The following EFCAB13 variants were observed in gnomAD, a reference collection of about 807,000 sequenced individuals.
The protein encoded by EFCAB13 is EF-hand calcium binding domain 13, also known as EF-hand calcium-binding domain-containing protein 13.
A neutral mutation model predicts 110.2 loss-of-function variants in EFCAB13; 91 were observed. The observed-to-expected ratio is 0.83, with a 90% CI of 0.70 to 0.98. The LOEUF (loss-of-function observed/expected upper bound fraction) is 0.98, where lower values mean the gene tolerates loss of function less well. EFCAB13 is among the 50% of genes least tolerant of loss of function. The probability of loss-of-function intolerance (pLI) is 0.00; values close to 1 mark genes in which losing one functional copy is unlikely to be tolerated. For missense variants in EFCAB13, 968 were observed against 1,119.4 expected, an observed-to-expected ratio of 0.86 and a Z score of 1.93; for synonymous variants, 323 against 369.9, an observed-to-expected ratio of 0.87 and a Z score of 1.45.
intron 5 of EFCAB13, chr17:47,341,247 G>A (rs1224202295): frequency 6.6e-6 from 1 of 152,172 alleles, no homozygotes; most frequent in Non-Finnish European, 1.5e-5. Context: ...GGATTTTATT[G>A]AGTCCTGATG....
At chr17:47,392,938 G>C (rs1358644315) in intron 15 of EFCAB13, among the ~76,000 whole-genome samples, 1 of 152,202 alleles carries the variant, frequency 6.6e-6, no homozygotes, top group East Asian at 1.9e-4. Flanking sequence ...CAACAGTGAT[G>C]ATTATCGTAG....
At chr17:47,439,175 T>TG (rs1322666507) in intron 24 of EFCAB13, among the ~76,000 whole-genome samples, 65 of 124,822 alleles carry the variant, frequency 5.2e-4, no homozygotes, top group African/African-American at 1.5e-3. Context: ...TGTTTTGTTT[T>TG]TTTTTTTTTT....
chr17:47,399,519 C>T (rs2065767786), intron 17 of EFCAB13, among the ~76,000 whole-genome samples: 1 of 151,904 alleles, frequency 6.6e-6, no homozygotes, highest in South Asian at 2.1e-4. Flanking sequence ...TTGAGCTTCT[C>T]TGACCAAAGT....
chr17:47,364,570 C>T (rs2143328354), intron 10 of EFCAB13, among the ~76,000 whole-genome samples: 1 of 152,304 alleles, frequency 6.6e-6, no homozygotes, highest in Middle Eastern at 3.4e-3. Flanking sequence ...CTTGGCCTCC[C>T]AAAGTGCTGG....
intron 9 of EFCAB13, among the ~76,000 whole-genome samples, chr17:47,358,337 A>G (rs2143309061): frequency 6.6e-6 from 1 of 152,146 alleles, no homozygotes; most frequent in East Asian, 1.9e-4. Flanking sequence ...AAAAGGGAAA[A>G]ATGCAAATAT....
At position 47,412,823 on chromosome 17, in the gene EFCAB13, G is replaced by A. The variant is rs1449232193; in HGVS notation, c.2329G>A (p.Gly777Ser). 1 of 1,613,712 alleles carries A rather than the reference G, an allele frequency of 6.2e-7. No homozygotes were observed. Among genetic ancestry groups the A allele is most frequent in the South Asian group, 1.1e-5 (1 of 91,040 alleles). ...GTCACATGTCGATAATGGCAAGATT[G>A]GTATACCTGATTTGGAGCATGCCTT... ...ILSHVDNGKI[G>S]IPDLEHALKC... The change falls in exon 22 of 25, where the codon GGT becomes AGT. Residue 777 changes from glycine (G) to serine (S), a missense_variant. Gly to Ser is a moderately conservative substitution (Grantham distance 56). Transcript: ENST00000331493.
At chr17:47,394,156 T>C (rs899102053) in intron 16 of EFCAB13, 57 bp downstream of exon 16, 21 of 1,164,756 alleles carry the variant, frequency 1.8e-5, no homozygotes, top group Admixed American at 2.6e-5. Context: ...TGACAGATTT[T>C]AGAAGAGCGT....
At chr17:47,343,449 G>T (rs1291338071) in intron 6 of EFCAB13, among the ~76,000 whole-genome samples, 1 of 151,980 alleles carries the variant, frequency 6.6e-6, no homozygotes, top group Non-Finnish European at 1.5e-5. Flanking sequence ...TTTCACTGGG[G>T]AATAAGTTTT....
chr17:47,345,323 C>T (rs1253925372), intron 8 of EFCAB13, among the ~76,000 whole-genome samples: 1 of 152,022 alleles, frequency 6.6e-6, no homozygotes, highest in East Asian at 1.9e-4. Flanking sequence ...TAATATGTAG[C>T]TTATACTAGT....
intron 21 of EFCAB13, among the ~76,000 whole-genome samples, chr17:47,410,779 C>T (rs1178457531): frequency 6.6e-6 from 1 of 152,132 alleles, no homozygotes; most frequent in Non-Finnish European, 1.5e-5. Flanking sequence ...AAAGGGAAAA[C>T]AACATTAAGT....
chr17:47,398,408 G>A (rs1451545957), intron 17 of EFCAB13, among the ~76,000 whole-genome samples: 55 of 151,578 alleles, frequency 3.6e-4, no homozygotes, highest in African/African-American at 1.2e-3. Flanking sequence ...TGGCGGTTTT[G>A]TGGAATAGAA....
chr17:47,411,000 T>G (rs2065831588), intron 21 of EFCAB13, among the ~76,000 whole-genome samples: 2 of 152,214 alleles, frequency 1.3e-5, no homozygotes, highest in Non-Finnish European at 2.9e-5. Flanking sequence ...TTGCCTGGTA[T>G]CATTGGGCCA....
At chr17:47,371,820 G>T (rs1343796600) in intron 11 of EFCAB13, among the ~76,000 whole-genome samples, 2 of 152,084 alleles carry the variant, frequency 1.3e-5, no homozygotes, top group Admixed American at 1.3e-4. Context: ...CAACATATTG[G>T]TCAGGCTGGT....
Position 47,344,293 on chromosome 17 carries a change from G to A in EFCAB13, c.434+1G>A, listed in dbSNP as rs113208705. The A allele has an allele frequency of 1.6e-5, 25 of 1,610,810 alleles. No individual in the cohort carries two copies. In the African/African-American group the frequency reaches 2.4e-4, roughly 16 times the overall value. ...TTTGTACATCTTCTGCAATTACTCG[G>A]TATTTAAATCCTTGTACTCTATTTT... On this transcript the variant is annotated splice_donor_variant, in intron 7 of 24. Coordinates refer to ENST00000331493, the MANE Select transcript of EFCAB13 (RefSeq NM_152347.5). LOFTEE classifies it high-confidence loss of function.
At chr17:47,340,166 T>C (rs1177818872) in intron 5 of EFCAB13, 1 of 152,196 alleles carries the variant, frequency 6.6e-6, no homozygotes, top group Non-Finnish European at 1.5e-5. Context: ...GTCTTTGTTA[T>C]GAAAAGTGGT....
intron 23 of EFCAB13, among the ~76,000 whole-genome samples, chr17:47,421,581 C>G (rs1269949229): frequency 2.1e-5 from 3 of 144,748 alleles, no homozygotes; most frequent in African/African-American, 7.9e-5. Context: ...GTCCTATGAC[C>G]GTGCCAAATC....
rs57208134 is a variant in EFCAB13, at chr17:47,414,935, T to C, written c.2494+16T>C. ...AAGTCCAAGGGTAAGTGAATACTTCTTGTTCAAGAGAATGGCTAGAAAATA... is the reference window on the plus strand; with the variant it reads ...AAGTCCAAGGGTAAGTGAATACTTCCTGTTCAAGAGAATGGCTAGAAAATA... On this transcript the variant is annotated intron_variant, in intron 23 of 24. Coordinates refer to ENST00000331493, the MANE Select transcript of EFCAB13 (RefSeq NM_152347.5). 1.1e-3 allele frequency: 1,623 copies of C among 1,525,210 alleles called. 20 individuals carry two copies. In the African/African-American group the frequency reaches 0.017, roughly 16 times the overall value. The allele number at this position is 1,525,210 out of a possible 1,614,324, so 94.5% of individuals were successfully genotyped here.
chr17:47,358,305 AAG>A lies in EFCAB13; in HGVS notation c.662-3069_662-3068del, dbSNP rs2065492358. On this transcript the variant is annotated intron_variant, in intron 9 of 24. Transcript: ENST00000331493. ...AAGATCAAGCATACAGTTAGAAATC[AAG>A]AGACTCCCTAGAGAAAAATAAAAGG... is the stretch of plus-strand genomic sequence containing the variant. 3.9e-5 allele frequency among the ~76,000 whole-genome samples: 6 copies of A among 152,328 alleles called. 1 individual carries two copies. In the South Asian group the frequency reaches 8.3e-4, roughly 21 times the overall value.
rs2065821871 is a variant in EFCAB13, at chr17:47,409,415, T to G, written c.2234-232T>G. The G allele has an allele frequency of 1.1e-5, 5 of 445,800 alleles. No homozygotes were observed. In the South Asian group the frequency reaches 1.3e-4, roughly 12 times the overall value. 27.6% of individuals were successfully genotyped at this position (445,800 alleles called of 1,614,324 possible). A position where few individuals can be genotyped will look rare whatever the true frequency, so the allele number is the denominator to read the frequency against. On this transcript the variant is annotated intron_variant, in intron 20 of 24. Coordinates refer to ENST00000331493, the MANE Select transcript of EFCAB13 (RefSeq NM_152347.5). The stretch of plus-strand genomic sequence containing the variant: ...ATCTGTGACATTAGAAACTGCCACA[T>G]TTAAGGAGTTGGTGGAAGATAACCA...
Sources: allele counts gnomAD v4.1 joint callset (sites outside exome capture counted in the v4.1 genomes callset), GRCh38; gene constraint gnomAD v4.1.1; transcripts MANE v1.5; gene names NCBI Gene and HGNC (gene_info 2026-07-23, HGNC 2026-07-21).